Variants in SLC9A2 observed in about 807,000 individuals in gnomAD.
SLC9A2 encodes solute carrier family 9 member A2, also known as sodium/hydrogen exchanger 2.
SLC9A2 carries 42 observed loss-of-function variants against 71.7 expected under a neutral mutation model. The observed-to-expected ratio is 0.59, with a 90% CI of 0.46 to 0.76. The LOEUF (loss-of-function observed/expected upper bound fraction) is 0.76. SLC9A2 is among the 30% of genes least tolerant of loss of function. The probability of loss-of-function intolerance (pLI) is 0.00; values close to 1 mark genes in which losing one functional copy is unlikely to be tolerated. For missense variants in SLC9A2, 829 were observed against 1,017.4 expected, an observed-to-expected ratio of 0.81 and a Z score of 2.52; for synonymous variants, 396 against 392.5, an observed-to-expected ratio of 1.01 and a Z score of -0.10.
At chr2:102,632,257 T>A (rs770778588) in intron 1 of SLC9A2, among the ~76,000 whole-genome samples, 48 of 145,234 alleles carry the variant, frequency 3.3e-4, no homozygotes, top group Non-Finnish European at 6.4e-4. Flanking sequence ...TATATATATT[T>A]GCCCTATCTG....
At chr2:102,668,483 C>A (rs1677186027) in intron 3 of SLC9A2, among the ~76,000 whole-genome samples, 1 of 152,182 alleles carries the variant, frequency 6.6e-6, no homozygotes, top group Admixed American at 6.5e-5. Context: ...CCTTACAGAA[C>A]TAGTCATTTT....
intron 3 of SLC9A2, among the ~76,000 whole-genome samples, chr2:102,671,559 A>G (rs779467187): frequency 7.9e-5 from 12 of 152,256 alleles, no homozygotes; most frequent in South Asian, 4.1e-4. Context: ...ACAGAAAGGA[A>G]TTGGAAATTA....
chr2:102,655,685 T>C (rs1676926236), intron 1 of SLC9A2, among the ~76,000 whole-genome samples: 1 of 152,234 alleles, frequency 6.6e-6, no homozygotes, highest in Non-Finnish European at 1.5e-5. Flanking sequence ...TACATGACTG[T>C]ATTATCTTTC....
intron 2 of SLC9A2, among the ~76,000 whole-genome samples, chr2:102,664,192 C>T (rs1204677076): frequency 6.6e-6 from 1 of 151,128 alleles, no homozygotes; most frequent in Non-Finnish European, 1.5e-5. Context: ...AGGAGAATGG[C>T]TTGAACCCGG....
chr2:102,666,411 A>G (rs1287357982), intron 3 of SLC9A2, among the ~76,000 whole-genome samples: 1 of 151,948 alleles, frequency 6.6e-6, no homozygotes, highest in Admixed American at 6.6e-5. Context: ...GTGAGCCAGT[A>G]TGGTCTCAAT....
intron 1 of SLC9A2, among the ~76,000 whole-genome samples, chr2:102,643,929 A>T (rs538776120): frequency 1.3e-5 from 2 of 150,746 alleles, no homozygotes; most frequent in South Asian, 4.2e-4. Context: ...TTTTGCACAG[A>T]CATTTAAAAC....
chr2:102,679,915 A>G (rs532474718), intron 3 of SLC9A2, among the ~76,000 whole-genome samples: 1 of 152,340 alleles, frequency 6.6e-6, no homozygotes, highest in Non-Finnish European at 1.5e-5. Context: ...TGGGGTGAAT[A>G]TGAGAAGTCA....
intron 1 of SLC9A2, among the ~76,000 whole-genome samples, chr2:102,633,656 T>C (rs1676415601): frequency 6.6e-6 from 1 of 152,080 alleles, no homozygotes; most frequent in Non-Finnish European, 1.5e-5. Flanking sequence ...AAAGGTAAGG[T>C]AGCGGAACTC....
At chr2:102,668,295 A>T (rs1677182581) in intron 3 of SLC9A2, among the ~76,000 whole-genome samples, 1 of 152,164 alleles carries the variant, frequency 6.6e-6, no homozygotes, top group Non-Finnish European at 1.5e-5. Flanking sequence ...CGGGGTAATC[A>T]GTATGCCATT....
At chr2:102,684,040 TG>T in intron 4 of SLC9A2, 93 bp from the exon 5 acceptor site, 1 of 882,112 alleles carries the variant, frequency 1.1e-6, no homozygotes, top group South Asian at 1.5e-5. Context: ...TTAAATCCTT[TG>T]TCCCCATCGC....
intron 7 of SLC9A2, among the ~76,000 whole-genome samples, chr2:102,695,799 AT>A (rs1283369106): frequency 1.4e-3 from 104 of 76,810 alleles, no homozygotes; most frequent in Middle Eastern, 0.016. Context: ...TTATATATAT[AT>A]TATATATATA....
At chr2:102,620,188 A>ACCCTCCAGGTGTCCC in intron 1 of SLC9A2, 51 bp downstream of exon 1, 1 of 1,516,620 alleles carries the variant, frequency 6.6e-7, no homozygotes, top group Non-Finnish European at 9.0e-7. Context: ...TCGGGGGGAC[A>ACCCTCCAGGTGTCCC]CCTGGAGGGT....
At chr2:102,622,106 A>T (rs1371029889) in intron 1 of SLC9A2, among the ~76,000 whole-genome samples, 2 of 152,194 alleles carry the variant, frequency 1.3e-5, no homozygotes, top group African/African-American at 4.8e-5. Flanking sequence ...TGAGTGTCTT[A>T]ATTCCACTGA....
chr2:102,644,476 C>A (rs1038058213), intron 1 of SLC9A2, among the ~76,000 whole-genome samples: 1 of 152,134 alleles, frequency 6.6e-6, no homozygotes, highest in Non-Finnish European at 1.5e-5. Context: ...CTGTTCACTC[C>A]CCTGGAAAGG....
At chr2:102,620,350 G>A (rs985792482) in intron 1 of SLC9A2, among the ~76,000 whole-genome samples, 1 of 152,184 alleles carries the variant, frequency 6.6e-6, no homozygotes, top group African/African-American at 2.4e-5. Flanking sequence ...CCTTGAAATG[G>A]CCCCAAGTGT....
chr2:102,658,694 TAG>T (rs979364248), intron 2 of SLC9A2, among the ~76,000 whole-genome samples: 1 of 152,022 alleles, frequency 6.6e-6, no homozygotes, highest in Non-Finnish European at 1.5e-5. Context: ...TACATATAAT[TAG>T]AGTCAGGGGC....
At chr2:102,697,090 C>T (rs1035532532) in intron 7 of SLC9A2, among the ~76,000 whole-genome samples, 1 of 152,156 alleles carries the variant, frequency 6.6e-6, no homozygotes, top group African/African-American at 2.4e-5. Flanking sequence ...TCCCTAGCAT[C>T]CCCTCAGTAC....
chr2:102,654,193 C>CGCTTT (rs1461135239), intron 1 of SLC9A2, among the ~76,000 whole-genome samples: 6 of 112,898 alleles, frequency 5.3e-5, no homozygotes, highest in African/African-American at 2.5e-4. Flanking sequence ...TGTTGGCTGA[C>CGCTTT]TCTTTTTTTT....
At position 102,657,752 on chromosome 2, in the gene SLC9A2, C is replaced by T. The variant is rs920449912; in HGVS notation, c.478C>T (p.Arg160Cys). ...VLDAGYFMPT[R>C]PFFENIGTIF... ...GGATGCCGGCTATTTCATGCCCACT[C>T]GCCCATTCTTTGAGAACATTGGCAC... Residue 160 changes from arginine (R) to cysteine (C), a missense_variant, in exon 2 of 12, where the codon CGC becomes TGC. Physicochemically the swap from Arg to Cys is radical, Grantham distance 180. Around this residue, in one of 3 missense-constraint regions of SLC9A2, gnomAD observed 500 missense variants for 726.3 expected, o/e 0.69. Coordinates refer to ENST00000233969, the MANE Select transcript of SLC9A2 (RefSeq NM_003048.6). 8.1e-6 allele frequency: 13 copies of T among 1,614,080 alleles called. No homozygotes were observed. Among genetic ancestry groups the T allele is most frequent in the African/African-American group, 2.7e-5 (2 of 74,924 alleles).
Sources: gnomAD v4.1 joint callset for allele counts (sites outside exome capture counted in the v4.1 genomes callset) on GRCh38, gnomAD v4.1.1 for gene constraint, gnomAD v4.1.1 regional missense constraint, MANE v1.5 for transcripts, NCBI Gene and HGNC (gene_info 2026-07-23, HGNC 2026-07-21) for gene names.